CDC42BPA: variants seen among roughly 807,000 people sequenced by gnomAD.
CDC42BPA encodes the protein serine/threonine-protein kinase MRCK alpha.
In CDC42BPA, 80 loss-of-function variants were observed where a neutral mutation model predicts 223.5. That is an observed-to-expected ratio of 0.36 (90% CI 0.30 to 0.43). CDC42BPA has a LOEUF of 0.43. Among genes scored for constraint, CDC42BPA ranks in the 20% least tolerant of loss-of-function variants. CDC42BPA has a pLI of 1.00. For synonymous variants in CDC42BPA, 694 were observed against 718.6 expected (o/e 0.97, Z 0.55); for missense variants, 1,743 against 2,099.9 (o/e 0.83, Z 3.32).
intron 15 of CDC42BPA, among the ~76,000 whole-genome samples, chr1:227,096,491 C>T (rs1684031190): frequency 6.6e-6 from 1 of 152,208 alleles, no homozygotes; most frequent in Non-Finnish European, 1.5e-5. Flanking sequence ...TAGTTGCTCT[C>T]CACCACACCA....
intron 1 of CDC42BPA, among the ~76,000 whole-genome samples, chr1:227,284,886 CAGG>C (rs982199057): frequency 7.9e-5 from 12 of 151,078 alleles, no homozygotes; most frequent in African/African-American, 2.9e-4. Flanking sequence ...CGCTTGATTC[CAGG>C]AGGAGAAGGC....
At chr1:227,166,933 A>G (rs901003459) in intron 5 of CDC42BPA, among the ~76,000 whole-genome samples, 2 of 152,198 alleles carry the variant, frequency 1.3e-5, no homozygotes, top group African/African-American at 4.8e-5. Flanking sequence ...AGAGCTCTCT[A>G]GTGTCACCTG....
chr1:227,005,586 C>A (rs1275307892), intron 34 of CDC42BPA, among the ~76,000 whole-genome samples: 1 of 152,202 alleles, frequency 6.6e-6, no homozygotes, highest in Non-Finnish European at 1.5e-5. Flanking sequence ...TATAAGTTCA[C>A]ACCCCAGTCA....
chr1:227,178,020 A>C (rs913509793), intron 5 of CDC42BPA, among the ~76,000 whole-genome samples: 1 of 152,084 alleles, frequency 6.6e-6, no homozygotes, highest in South Asian at 2.1e-4. Flanking sequence ...TTGCTGAGAT[A>C]CTTCTATCAT....
chr1:227,111,088 A>G (rs1451549597), intron 14 of CDC42BPA, among the ~76,000 whole-genome samples: 2 of 152,218 alleles, frequency 1.3e-5, no homozygotes, highest in Non-Finnish European at 2.9e-5. Context: ...TTACAATAAG[A>G]GCTAAGCTAC....
chr1:227,271,597 T>C (rs1210894178), intron 1 of CDC42BPA, among the ~76,000 whole-genome samples: 3 of 152,182 alleles, frequency 2.0e-5, no homozygotes, highest in Admixed American at 6.5e-5. Context: ...ACTGGCATTC[T>C]AGTTCATCTA....
chr1:227,029,312 T>A, intron 29 of CDC42BPA, 62 bp from the exon 30 acceptor site: 1 of 1,075,210 alleles, frequency 9.3e-7, no homozygotes, highest in Non-Finnish European at 1.3e-6. Context: ...ATCCCAATTA[T>A]ACTCAAAAGG....
chr1:227,275,404 A>G (rs1686759478), intron 1 of CDC42BPA, among the ~76,000 whole-genome samples: 1 of 148,958 alleles, frequency 6.7e-6, no homozygotes, highest in Admixed American at 6.9e-5. Context: ...TAAAAGATGG[A>G]AAAGAGAAAA....
intron 35 of CDC42BPA, among the ~76,000 whole-genome samples, chr1:227,003,408 G>C (rs1663298006): frequency 6.6e-6 from 1 of 152,130 alleles, no homozygotes; most frequent in Non-Finnish European, 1.5e-5. Context: ...TCCCGGGAAA[G>C]CACACACTTG....
At chr1:227,297,190 C>T (rs534169630) in intron 1 of CDC42BPA, among the ~76,000 whole-genome samples, 4 of 152,076 alleles carry the variant, frequency 2.6e-5, no homozygotes, top group Non-Finnish European at 5.9e-5. Flanking sequence ...AAAAGCTGCT[C>T]GTTATCAGTA....
intron 15 of CDC42BPA, among the ~76,000 whole-genome samples, chr1:227,100,651 G>GGGCTTGAACTCCTGGGCTC (rs1684852094): frequency 6.6e-6 from 1 of 151,682 alleles, no homozygotes. Flanking sequence ...TGCCTGGGCT[G>GGGCTTGAACTCCTGGGCTC]GGCTTGAACT....
intron 5 of CDC42BPA, among the ~76,000 whole-genome samples, chr1:227,173,269 T>C (rs1416968043): frequency 6.6e-6 from 1 of 152,078 alleles, no homozygotes; most frequent in African/African-American, 2.4e-5. Context: ...TGTCCAAATA[T>C]CATAGGAAAG....
intron 29 of CDC42BPA, among the ~76,000 whole-genome samples, 156 bp downstream of exon 29, chr1:227,030,252 T>C (rs1669023958): frequency 6.6e-6 from 1 of 152,132 alleles, no homozygotes; most frequent in South Asian, 2.1e-4. Context: ...AATTTAAAAA[T>C]AATCTTTTAA....
chr1:227,046,936 T>C (rs896415551), intron 23 of CDC42BPA, among the ~76,000 whole-genome samples: 5 of 152,208 alleles, frequency 3.3e-5, no homozygotes, highest in African/African-American at 1.2e-4. Flanking sequence ...AAAAATCTGA[T>C]GATAATCTCA....
intron 5 of CDC42BPA, among the ~76,000 whole-genome samples, chr1:227,185,614 A>G (rs1572208558): frequency 6.6e-6 from 1 of 152,116 alleles, no homozygotes; most frequent in African/African-American, 2.4e-5. Context: ...ATACTACCTG[A>G]AAGTGGGGTT....
rs66527313 is a variant in CDC42BPA at position 227,060,030 on chromosome 1, G to GTTTTTTTTTTTT, written c.2905-8057_2905-8046dup. Among the ~76,000 whole-genome samples, 19 of 117,674 alleles carry GTTTTTTTTTTTT rather than the reference G, an allele frequency of 1.6e-4. 2 individuals are homozygous for GTTTTTTTTTTTT. Among genetic ancestry groups the GTTTTTTTTTTTT allele is most frequent in the South Asian group, 2.9e-4 (1 of 3,424 alleles). The allele number at this position is 117,674 out of a possible 152,430, so 77.2% of individuals were successfully genotyped here. A position where few individuals can be genotyped will look rare whatever the true frequency, so the allele number is the denominator to read the frequency against. On this transcript the variant is annotated intron_variant, in intron 21 of 36. Coordinates refer to ENST00000366766, the MANE Select transcript of CDC42BPA (RefSeq NM_001394014.1). Reference sequence around the variant, plus strand: ...CAATTATCTCAAAAAGTTTTTTTTTGTTTTTTTTTTTTTTTTTTGAGACGG... The same window carrying GTTTTTTTTTTTT: ...CAATTATCTCAAAAAGTTTTTTTTTGTTTTTTTTTTTTTTTTTTTTTTTTTTTTTTGAGACGG...
intron 5 of CDC42BPA, among the ~76,000 whole-genome samples, chr1:227,169,639 T>C (rs1665743858): frequency 6.6e-6 from 1 of 152,198 alleles, no homozygotes; most frequent in Non-Finnish European, 1.5e-5. Flanking sequence ...CTTCTTGTTA[T>C]CTTCTCCCAT....
At chr1:227,083,867 T>A (rs568389502) in intron 16 of CDC42BPA, among the ~76,000 whole-genome samples, 9 of 152,298 alleles carry the variant, frequency 5.9e-5, no homozygotes, top group Admixed American at 1.3e-4. Context: ...TTACTAAAGA[T>A]CCTGCAACTT....
intron 3 of CDC42BPA, among the ~76,000 whole-genome samples, chr1:227,203,571 C>T (rs192571617): frequency 9.6e-4 from 146 of 152,100 alleles, no homozygotes; most frequent in South Asian, 2.3e-3. Flanking sequence ...TTAAAAAAAA[C>T]TAAACAATAT....
Sources: gnomAD v4.1 joint callset for allele counts (sites outside exome capture counted in the v4.1 genomes callset) on GRCh38, gnomAD v4.1.1 for gene constraint, MANE v1.5 for transcripts, NCBI Gene and HGNC (gene_info 2026-07-23, HGNC 2026-07-21) for gene names.